The following ATG10 variants were observed in gnomAD, a reference collection of about 807,000 sequenced individuals.
The protein encoded by ATG10 is autophagy related 10, also known as ubiquitin-like-conjugating enzyme ATG10.
In ATG10, 30 loss-of-function variants were observed where a neutral mutation model predicts 32.1. The ratio of observed to expected loss-of-function variants is 0.94; its 90% CI spans 0.70 to 1.27. The LOEUF (loss-of-function observed/expected upper bound fraction) is 1.27. Ranked by LOEUF, ATG10 falls within the 50% of genes most tolerant of loss-of-function variation. The pLI, the probability that ATG10 is intolerant of heterozygous loss-of-function variation, is 0.00. For synonymous variants in ATG10, 87 were observed against 91.5 expected (o/e 0.95, Z 0.28); for missense variants, 233 against 262.3 (o/e 0.89, Z 0.77).
chr5:82,103,802 A>G (rs1041134635), intron 3 of ATG10, among the ~76,000 whole-genome samples: 1 of 152,090 alleles, frequency 6.6e-6, no homozygotes, highest in African/African-American at 2.4e-5. Flanking sequence ...CACTCGTGCA[A>G]CCAATTCCCA....
At chr5:82,131,922 A>G (rs1766554912) in intron 3 of ATG10, among the ~76,000 whole-genome samples, 1 of 152,080 alleles carries the variant, frequency 6.6e-6, no homozygotes, top group Non-Finnish European at 1.5e-5. Context: ...GAAGGCAAAG[A>G]GGGAACAGGC....
intron 2 of ATG10, among the ~76,000 whole-genome samples, chr5:82,008,815 A>G (rs1453951468): frequency 1.3e-5 from 2 of 152,218 alleles, no homozygotes; most frequent in African/African-American, 4.8e-5. Flanking sequence ...GATTATGTCT[A>G]TATCTAATCT....
intron 3 of ATG10, among the ~76,000 whole-genome samples, chr5:82,140,061 G>A (rs1254753497): frequency 3.6e-5 from 5 of 140,030 alleles, no homozygotes; most frequent in African/African-American, 1.3e-4. Context: ...GTCCGGGAGG[G>A]AGGTGGGAGG....
chr5:82,218,196 C>T (rs1319055895), intron 5 of ATG10, among the ~76,000 whole-genome samples: 3 of 152,128 alleles, frequency 2.0e-5, no homozygotes, highest in Non-Finnish European at 4.4e-5. Context: ...CTCTGACTCT[C>T]ATCTACTAGT....
intron 3 of ATG10, among the ~76,000 whole-genome samples, chr5:82,125,692 T>G (rs1353635087): frequency 6.6e-6 from 1 of 152,146 alleles, no homozygotes; most frequent in African/African-American, 2.4e-5. Context: ...TAGTATAGTT[T>G]GAAGTCAGGT....
intron 5 of ATG10, among the ~76,000 whole-genome samples, chr5:82,208,854 T>G (rs574810989): frequency 7.9e-5 from 12 of 152,314 alleles, no homozygotes; most frequent in African/African-American, 2.6e-4. Context: ...AAAATACAAC[T>G]TCGTTGTAAT....
chr5:82,014,832 A>T (rs1762234687), intron 2 of ATG10, among the ~76,000 whole-genome samples: 1 of 152,162 alleles, frequency 6.6e-6, no homozygotes, highest in South Asian at 2.1e-4. Context: ...TTTACATTTA[A>T]GGTTAATACT....
intron 3 of ATG10, among the ~76,000 whole-genome samples, chr5:82,105,773 A>G (rs986155009): frequency 6.6e-6 from 1 of 152,154 alleles, no homozygotes; most frequent in Non-Finnish European, 1.5e-5. Flanking sequence ...TGTCAGTTGC[A>G]GAGGCTAACA....
intron 4 of ATG10, among the ~76,000 whole-genome samples, chr5:82,169,782 G>A (rs937166679): frequency 1.3e-5 from 2 of 152,148 alleles, no homozygotes; most frequent in Admixed American, 6.5e-5. Context: ...AGCAAACAGT[G>A]AAAGTTATTT....
At chr5:82,157,793 A>G (rs1460923961) in intron 3 of ATG10, among the ~76,000 whole-genome samples, 4 of 152,204 alleles carry the variant, frequency 2.6e-5, no homozygotes, top group Non-Finnish European at 4.4e-5. Context: ...TTCTGTGTCC[A>G]GTCTTCAGTA....
chr5:82,251,763 C>T (rs760800431), intron 5 of ATG10, among the ~76,000 whole-genome samples: 54 of 152,120 alleles, frequency 3.5e-4, no homozygotes, highest in Non-Finnish European at 7.1e-4. Flanking sequence ...GCACAGATTA[C>T]CCACTACATA....
chr5:82,075,999 A>C (rs1764262226), intron 3 of ATG10, among the ~76,000 whole-genome samples: 1 of 152,200 alleles, frequency 6.6e-6, no homozygotes, highest in Non-Finnish European at 1.5e-5. Flanking sequence ...TAGATTGTCT[A>C]TTCATATATG....
rs532244515 is a variant in ATG10, at chr5:82,094,481, G to A, written c.216+35879G>A. 2.6e-5 allele frequency among the ~76,000 whole-genome samples: 4 copies of A among 152,118 alleles called. No individual in the cohort carries two copies. In the South Asian group the frequency reaches 8.3e-4, roughly 32 times the overall value. ...ATACATTCTGTTGAGAATAAAAATT[G>A]TTACAATCTTTCTGGAATGCTATCT... On this transcript the variant is annotated intron_variant, in intron 3 of 7. Coordinates refer to ENST00000282185, the MANE Select transcript of ATG10 (RefSeq NM_031482.5).
chr5:82,155,195 T>G (rs1020649445), intron 3 of ATG10, among the ~76,000 whole-genome samples: 7 of 152,218 alleles, frequency 4.6e-5, no homozygotes, highest in Non-Finnish European at 1.0e-4. Context: ...GAAAATGACT[T>G]TAGCCAAACT....
intron 3 of ATG10, chr5:82,111,317 A>C (rs182756598): frequency 1.3e-5 from 2 of 152,126 alleles, no homozygotes; most frequent in Admixed American, 6.6e-5. Context: ...AGATTCCATC[A>C]AGTAGAATCC....
At chr5:82,241,356 A>G (rs767449967) in intron 5 of ATG10, among the ~76,000 whole-genome samples, 2 of 152,194 alleles carry the variant, frequency 1.3e-5, no homozygotes, top group African/African-American at 2.4e-5. Context: ...GCCCTTTTAC[A>G]ATATCAAGGT....
chr5:82,197,748 A>G (rs945979819), intron 5 of ATG10, among the ~76,000 whole-genome samples: 1 of 149,352 alleles, frequency 6.7e-6, no homozygotes, highest in African/African-American at 2.6e-5. Context: ...CTATCTATCT[A>G]TCTATCTATC....
intron 1 of ATG10, among the ~76,000 whole-genome samples, chr5:81,977,073 C>A (rs897240428): frequency 3.9e-5 from 6 of 152,028 alleles, no homozygotes; most frequent in African/African-American, 1.4e-4. Flanking sequence ...GGCGGGATCT[C>A]ACCATTTGCC....
At chr5:82,043,026 C>A (rs1006740093) in intron 2 of ATG10, among the ~76,000 whole-genome samples, 6 of 152,178 alleles carry the variant, frequency 3.9e-5, no homozygotes, top group African/African-American at 1.4e-4. Context: ...TGTGTAGGGG[C>A]TCCAACCCCA....
Sources: gnomAD v4.1 joint callset for allele counts (sites outside exome capture counted in the v4.1 genomes callset) on GRCh38, gnomAD v4.1.1 for gene constraint, MANE v1.5 for transcripts, NCBI Gene and HGNC (gene_info 2026-07-23, HGNC 2026-07-21) for gene names.